Variants in ROGDI observed in about 807,000 individuals in gnomAD.
ROGDI encodes rogdi atypical leucine zipper.
A neutral mutation model predicts 43.1 loss-of-function variants in ROGDI; 46 were observed. The ratio of observed to expected loss-of-function variants is 1.07; its 90% CI spans 0.84 to 1.37. The LOEUF (loss-of-function observed/expected upper bound fraction) is 1.37, where lower values mean the gene tolerates loss of function less well. Among genes scored for constraint, ROGDI ranks in the 40% most tolerant of loss-of-function variants. ROGDI has a pLI of 0.00. For synonymous variants in ROGDI, 243 were observed against 162.0 expected (o/e 1.50, Z -3.80); for missense variants, 518 against 383.9 (o/e 1.35, Z -2.92).
rs867005426 is a variant in ROGDI at position 4,802,538 on chromosome 16, G to T, written c.34C>A (p.Arg12=). 4 of 1,272,086 alleles carry T rather than the reference G, an allele frequency of 3.1e-6. No individual in the cohort carries two copies. The highest frequency in any genetic ancestry group is 3.0e-4 in the Middle Eastern group (1 of 3,316). 78.8% of individuals were successfully genotyped at this position (1,272,086 alleles called of 1,614,324 possible). A position where few individuals can be genotyped will look rare whatever the true frequency, so the allele number is the denominator to read the frequency against. Residue 12 remains arginine, a synonymous_variant, in exon 1 of 11, where the codon CGG becomes AGG. Transcript: ENST00000322048. ...ATVMAATAAE[R]AVLEEEFRWL... is the part of the protein sequence containing the mutation. ...CCCGCGCGCCTTACCAGCACCGCCC[G>T]CTCCGCCGCCGTCGCTGCCATCACG...
At chr16:4,799,057 G>A (rs116299268) in intron 6 of ROGDI, among the ~76,000 whole-genome samples, 1 of 151,740 alleles carries the variant, frequency 6.6e-6, no homozygotes, top group Admixed American at 6.6e-5. Context: ...AGGTTTTCAG[G>A]GGGGTAAGCC....
chr16:4,802,389 A>G lies in ROGDI; in HGVS notation c.110T>C (p.Ile37Thr). Reference sequence around the variant, plus strand: ...CAGGGCGCGGGTCGTTACCTTGAGGATGTCCTGCAGCTGCTTCAACACAGC... The same window carrying G: ...CAGGGCGCGGGTCGTTACCTTGAGGGTGTCCTGCAGCTGCTTCAACACAGC... ...VHAVLKQLQDILKEASLRFTL... is the reference protein window; with the variant it reads ...VHAVLKQLQDTLKEASLRFTL... The change falls in exon 2 of 11, where the codon ATC (isoleucine) becomes ACC (threonine). Residue 37 changes from isoleucine to threonine, a missense_variant. Ile to Thr is a moderately conservative substitution (Grantham distance 89). Transcript: ENST00000322048. 1 of 1,571,400 alleles carries G rather than the reference A, an allele frequency of 6.4e-7. No homozygotes were observed. The highest frequency in any genetic ancestry group is 8.6e-7 in the Non-Finnish European group (1 of 1,162,692).
Position 4,797,930 on chromosome 16 carries a change from C to G in ROGDI, c.695+8G>C. 1 of 1,599,038 alleles carries G rather than the reference C, an allele frequency of 6.3e-7. No homozygotes were observed. Among genetic ancestry groups the G allele is most frequent in the African/African-American group, 1.3e-5 (1 of 74,784 alleles). ...GCGTGCCTGGACCCCCCGCCCCTGC[C>G]TACTTACAACATGGCCCCAGGGCTA... On this transcript the variant is annotated splice_region_variant and intron_variant, in intron 9 of 10. Transcript: ENST00000322048.
Position 4,798,754 on chromosome 16 carries a change from C to T in ROGDI, c.433-87G>A. 2.7e-6 allele frequency: 3 copies of T among 1,110,570 alleles called. No homozygotes were observed. The South Asian group carries it at 4.1e-5, about 15-fold the overall frequency. The allele number at this position is 1,110,570 out of a possible 1,614,324, so 68.8% of individuals were successfully genotyped here. On this transcript the variant is annotated intron_variant, in intron 6 of 10. Transcript: ENST00000322048. ...AGACATGGTAGCTCCCACTCCCACC[C>T]AGCCCAGTGGCTACTGTTCCCAGGT...
chr16:4,800,743 C>T (rs2082705126), intron 4 of ROGDI, 165 bp from the exon 5 acceptor site: 2 of 600,380 alleles, frequency 3.3e-6, no homozygotes, highest in African/African-American at 1.9e-5. Flanking sequence ...GGGGGTTGAA[C>T]AGGGAGGTCA....
intron 5 of ROGDI, 55 bp downstream of exon 5, chr16:4,800,443 G>C: frequency 7.0e-7 from 1 of 1,434,306 alleles, no homozygotes; most frequent in African/African-American, 1.4e-5. Flanking sequence ...CCCCGCGGCA[G>C]GCCTGCTGCC....
rs2082717690 is a variant in ROGDI, at chr16:4,801,495, A to G, written c.200+8T>C. On this transcript the variant is annotated splice_region_variant and intron_variant, in intron 3 of 10. Transcript: ENST00000322048. ...CATTTCCCCGGTTTCCGCCTAGCCC[A>G]GGCTCACCCACAGCTGCCTAGGATG... 6.2e-7 allele frequency: 1 copy of G among 1,600,470 alleles called. No individual in the cohort carries two copies. Among genetic ancestry groups the G allele is most frequent in the African/African-American group, 1.3e-5 (1 of 74,934 alleles).
rs1239068878 is a variant in ROGDI, at chr16:4,802,420, C to A, written c.79G>T (p.Val27Leu). ...EEFRWLLHDEVHAVLKQLQDI... is the reference protein window; with the variant it reads ...EEFRWLLHDELHAVLKQLQDI... ...TGCAGCTGCTTCAACACAGCGTGCA[C>A]CTCGTCGTGCAGCAGCCAGCGGAAC... Residue 27 changes from valine (V) to leucine (L), a missense_variant, in exon 2 of 11, where the codon GTG becomes TTG. Coordinates refer to ENST00000322048, the MANE Select transcript of ROGDI (RefSeq NM_024589.3). 3 of 1,520,872 alleles carry A rather than the reference C, an allele frequency of 2.0e-6. No homozygotes were observed. The highest frequency in any genetic ancestry group is 1.8e-4 in the Middle Eastern group (1 of 5,544). 94.2% of individuals were successfully genotyped at this position (1,520,872 alleles called of 1,614,324 possible). A position where few individuals can be genotyped will look rare whatever the true frequency, so the allele number is the denominator to read the frequency against.
rs746328997 is a variant in ROGDI, at chr16:4,802,228, G to A, written c.117+154C>T. The stretch of plus-strand genomic sequence containing the variant: ...CGCACACAGGTACTTATATAATGAG[G>A]TCGGCTCGAGTTCGCGGAGGCGGGG... On this transcript the variant is annotated intron_variant, in intron 2 of 10. Coordinates refer to ENST00000322048, the MANE Select transcript of ROGDI (RefSeq NM_024589.3). 35 of 719,488 alleles carry A rather than the reference G, an allele frequency of 4.9e-5. 1 individual carries two copies. In the East Asian group the frequency reaches 5.2e-4, roughly 11 times the overall value. The allele number at this position is 719,488 out of a possible 1,614,324, so 44.6% of individuals were successfully genotyped here. A position where few individuals can be genotyped will look rare whatever the true frequency, so the allele number is the denominator to read the frequency against.
Position 4,797,348 on chromosome 16 carries a change from G to T in ROGDI, c.*112C>A. ...GCAAATGTGTTAGGTGGGGTAGGGGGTGGGATAGGGAGATAAATAGCAGCC... is the reference window on the plus strand; with the variant it reads ...GCAAATGTGTTAGGTGGGGTAGGGGTTGGGATAGGGAGATAAATAGCAGCC... On this transcript the variant is annotated 3_prime_UTR_variant, in exon 11 of 11. Coordinates refer to ENST00000322048, the MANE Select transcript of ROGDI (RefSeq NM_024589.3). 4 of 902,076 alleles carry T rather than the reference G, an allele frequency of 4.4e-6. No individual in the cohort carries two copies. Among genetic ancestry groups the T allele is most frequent in the Non-Finnish European group, 6.9e-6 (4 of 583,016 alleles). The allele number at this position is 902,076 out of a possible 1,614,324, so 55.9% of individuals were successfully genotyped here.
At position 4,800,574 on chromosome 16, in the gene ROGDI, A is replaced by T. The variant is rs1477391414; in HGVS notation, c.260T>A (p.Val87Glu). The T allele has an allele frequency of 6.4e-7, 1 of 1,565,448 alleles. No individual in the cohort carries two copies. Among genetic ancestry groups the T allele is most frequent in the Non-Finnish European group, 8.7e-7 (1 of 1,154,234 alleles). Residue 87 changes from valine (V) to glutamate (E), a missense_variant, in exon 5 of 11, where the codon GTG becomes GAG. Coordinates refer to ENST00000322048, the MANE Select transcript of ROGDI (RefSeq NM_024589.3). ...LQGDALSQAD[V>E]NLKMPRNNQL... ...GTTGTTCCGGGGCATCTTCAGGTTCACATCCTGACAGGCAAGAGTGGGGTG... is the reference window on the plus strand; with the variant it reads ...GTTGTTCCGGGGCATCTTCAGGTTCTCATCCTGACAGGCAAGAGTGGGGTG...
At chr16:4,801,356 C>G (rs777295973) in intron 3 of ROGDI, 35 bp from the exon 4 acceptor site, 1 of 1,589,462 alleles carries the variant, frequency 6.3e-7, no homozygotes, top group Non-Finnish European at 8.6e-7. Flanking sequence ...TGCCTGTGGT[C>G]ACCCCCCCAC....
rs563409370 is a variant in ROGDI, at chr16:4,799,806, G to A, written c.337-25C>T. ...TCTGGAAGCAGGGGTCATCCAGAGG[G>A]GTCACGCCAGCTTCCATGCGGCCAG... On this transcript the variant is annotated intron_variant, in intron 5 of 10. Coordinates refer to ENST00000322048, the MANE Select transcript of ROGDI (RefSeq NM_024589.3). The A allele has an allele frequency of 1.0e-5, 16 of 1,557,250 alleles. No homozygotes were observed. In the East Asian group the frequency reaches 3.4e-4, roughly 33 times the overall value.
chr16:4,798,413 C>A (rs954014927), intron 7 of ROGDI, 156 bp downstream of exon 7: 1 of 717,372 alleles, frequency 1.4e-6, no homozygotes, highest in Admixed American at 2.8e-5. Context: ...TTTAGGGGCA[C>A]AGGACGGAAG....
intron 5 of ROGDI, among the ~76,000 whole-genome samples, 197 bp from the exon 6 acceptor site, chr16:4,799,978 C>T (rs1439939894): frequency 1.3e-5 from 2 of 152,130 alleles, no homozygotes; most frequent in African/African-American, 2.4e-5. Context: ...AGCTGACTGC[C>T]CCCTCCTTTC....
At position 4,797,764 on chromosome 16, in the gene ROGDI, G is replaced by C; in HGVS notation, c.772C>G (p.Leu258Val). The C allele has an allele frequency of 6.2e-7, 1 of 1,606,746 alleles. No individual in the cohort carries two copies. Among genetic ancestry groups the C allele is most frequent in the South Asian group, 1.1e-5 (1 of 90,792 alleles). ...TGCAGGGAGACGGTGAAGTAGACCA[G>C]GGCGTCGTTGAGCCAGGGGATCACG... Reference protein sequence around the residue: ...ECVIPWLNDALVYFTVSLQLC... With the variant: ...ECVIPWLNDAVVYFTVSLQLC... Residue 258 changes from leucine (L) to valine (V), a missense_variant, in exon 10 of 11, where the codon CTG becomes GTG. Coordinates refer to ENST00000322048, the MANE Select transcript of ROGDI (RefSeq NM_024589.3).
chr16:4,802,245 G>A (rs1418713446), intron 2 of ROGDI, 137 bp downstream of exon 2: 7 of 800,318 alleles, frequency 8.7e-6, no homozygotes, highest in South Asian at 1.5e-5. Context: ...CGAGTTCGCG[G>A]AGGCGGGGCC....
intron 4 of ROGDI, chr16:4,800,990 T>C (rs1304081909): frequency 2.0e-6 from 1 of 509,414 alleles, no homozygotes; most frequent in Non-Finnish European, 3.5e-6. Flanking sequence ...TCAACTGTGA[T>C]GTGTGGCCAG....
At chr16:4,797,679 C>G in intron 10 of ROGDI, 35 bp downstream of exon 10, 1 of 1,613,704 alleles carries the variant, frequency 6.2e-7, no homozygotes, top group Middle Eastern at 1.7e-4. Context: ...CCTTAGAAGT[C>G]CTTCCCCTAA....
Sources: allele counts gnomAD v4.1 joint callset (sites outside exome capture counted in the v4.1 genomes callset), GRCh38; gene constraint gnomAD v4.1.1; transcripts MANE v1.5; gene names NCBI Gene and HGNC (gene_info 2026-07-23, HGNC 2026-07-21).